TBX1: variants seen among roughly 807,000 people sequenced by gnomAD.
TBX1 encodes the protein T-box transcription factor 1.
TBX1 carries 16 observed loss-of-function variants against 40.8 expected under a neutral mutation model. That is an observed-to-expected ratio of 0.39 (90% CI 0.27 to 0.60). TBX1 has a LOEUF of 0.60. Among genes scored for constraint, TBX1 ranks in the 20% least tolerant of loss-of-function variants. TBX1 has a pLI of 0.51. For missense variants in TBX1, 755 were observed against 728.5 expected (o/e 1.04, Z -0.42); for synonymous variants, 403 against 336.8 (o/e 1.20, Z -2.15).
At chr22:19,761,735 A>G (rs545552151) in intron 1 of TBX1, among the ~76,000 whole-genome samples, 121 of 152,344 alleles carry the variant, frequency 7.9e-4, no homozygotes, top group Non-Finnish European at 1.6e-3. Flanking sequence ...CGGGCAAGAT[A>G]AAGAGCGGCA....
rs113153036 is a variant in TBX1, at chr22:19,766,909, C to T, written c.*42C>T. 1.7e-4 allele frequency: 260 copies of T among 1,573,172 alleles called. No individual in the cohort carries two copies. The highest frequency in any genetic ancestry group is 2.1e-4 in the Non-Finnish European group (244 of 1,168,068). On this transcript the variant is annotated 3_prime_UTR_variant, in exon 7 of 7. Coordinates refer to ENST00000649276, the MANE Select transcript of TBX1 (RefSeq NM_001379200.1). ...CTCCCGCCCCGGTCCTGCACAGCCCCGAAGTTCGCCGGGCCCGGCCACCCT... is the reference window on the plus strand; with the variant it reads ...CTCCCGCCCCGGTCCTGCACAGCCCTGAAGTTCGCCGGGCCCGGCCACCCT...
chr22:19,779,281 A>G, exon 9 of TBX1: 1 of 1,614,244 alleles, frequency 6.2e-7, no homozygotes, highest in African/African-American at 1.3e-5. Flanking sequence ...CACCAGAGAG[A>G]GAAGTGGAGC....
chr22:19,762,153 T>C (rs557282185), intron 1 of TBX1, among the ~76,000 whole-genome samples: 1 of 152,314 alleles, frequency 6.6e-6, no homozygotes, highest in African/African-American at 2.4e-5. Flanking sequence ...AGGCCCTCCT[T>C]GCTGTCCCCA....
Position 19,766,680 on chromosome 22 carries a change from C to G in TBX1, c.1328C>G (p.Ala443Gly). 4 of 1,548,486 alleles carry G rather than the reference C, an allele frequency of 2.6e-6. No individual in the cohort carries two copies. Among genetic ancestry groups the G allele is most frequent in the Non-Finnish European group, 3.5e-6 (4 of 1,155,942 alleles). The change falls in exon 7 of 7, where the codon GCG (alanine) becomes GGG (glycine). Residue 443 changes from alanine (A) to glycine (G), a missense_variant. Ala to Gly is a moderately conservative substitution (Grantham distance 60). Coordinates refer to ENST00000649276, the MANE Select transcript of TBX1 (RefSeq NM_001379200.1). ...DHYLGAKSRP[A>G]PYPLPGLRGH... ...TATCTCGGGGCCAAGAGCCGGCCGG[C>G]GCCCTACCCGCTGCCCGGCCTGCGT... is the stretch of plus-strand genomic sequence containing the variant.
chr22:19,766,979 C>A lies in TBX1; in HGVS notation c.*112C>A. The stretch of plus-strand genomic sequence containing the variant: ...AATACGTTCCCCCAGCCCCAGGGGC[C>A]ACCGCGGCTCTCCCCTTCCCCAGCC... On this transcript the variant is annotated 3_prime_UTR_variant, in exon 7 of 7. Transcript: ENST00000649276. The A allele has an allele frequency of 6.8e-7, 1 of 1,460,682 alleles. No individual in the cohort carries two copies. The highest frequency in any genetic ancestry group is 9.0e-7 in the Non-Finnish European group (1 of 1,109,564). 90.5% of individuals were successfully genotyped at this position (1,460,682 alleles called of 1,614,324 possible). A position where few individuals can be genotyped will look rare whatever the true frequency, so the allele number is the denominator to read the frequency against.
rs920121795 is a variant in TBX1, at chr22:19,767,324, C to G, written c.*457C>G. 9.1e-6 allele frequency: 9 copies of G among 989,734 alleles called. No individual in the cohort carries two copies. The Admixed American group carries it at 2.4e-4, about 27-fold the overall frequency. The allele number at this position is 989,734 out of a possible 1,614,324, so 61.3% of individuals were successfully genotyped here. On this transcript the variant is annotated 3_prime_UTR_variant, in exon 7 of 7. Transcript: ENST00000649276. ...GCGCCGACTTGATAAACGGTTTCGC[C>G]TCTTTTGGAAGCCGCCTGCGTGTCC...
Position 19,761,154 on chromosome 22 carries a change from C to A in TBX1, c.311C>A (p.Ala104Asp). The A allele has an allele frequency of 6.7e-7, 1 of 1,499,794 alleles. No individual in the cohort carries two copies. Among genetic ancestry groups the A allele is most frequent in the Admixed American group, 2.0e-5 (1 of 49,758 alleles). The allele number at this position is 1,499,794 out of a possible 1,614,324, so 92.9% of individuals were successfully genotyped here. A position where few individuals can be genotyped will look rare whatever the true frequency, so the allele number is the denominator to read the frequency against. The change falls in exon 1 of 7, where the codon GCC (alanine) becomes GAC (aspartate). Residue 104 changes from alanine to aspartate, a missense_variant. Coordinates refer to ENST00000649276, the MANE Select transcript of TBX1 (RefSeq NM_001379200.1). ...GAGGGCCCCGGGGCCAGCTGCGCGG[C>A]CGCAGCCAAGGCGCCGGTGAAGAAG... ...EPEGPGASCA[A>D]AAKAPVKKNA... is the part of the protein sequence containing the mutation.
At chr22:19,757,192 C>T (rs1663728346), upstream of TBX1, among the ~76,000 whole-genome samples, 1 of 152,190 alleles carries the variant, frequency 6.6e-6, no homozygotes, top group Admixed American at 6.5e-5. Flanking sequence ...TGGGGCCCCT[C>T]ACCTCTTCCC....
downstream of TBX1, among the ~76,000 whole-genome samples, chr22:19,771,900 C>T (rs986169653): frequency 6.6e-6 from 1 of 152,234 alleles, no homozygotes; most frequent in African/African-American, 2.4e-5. Context: ...TCGGGCAACG[C>T]TGGGTGCCAG....
At chr22:19,760,589 C>T (rs895889422), upstream of TBX1, among the ~76,000 whole-genome samples, 316 of 130,294 alleles carry the variant, frequency 2.4e-3, 2 homozygotes, top group Non-Finnish European at 3.5e-3. Flanking sequence ...GAGCGAGCCG[C>T]GGCGGGCGGG....
intron 8 of TBX1, chr22:19,779,124 A>C: frequency 6.9e-7 from 1 of 1,439,142 alleles, no homozygotes; most frequent in South Asian, 1.2e-5. Flanking sequence ...CATGCGGTTC[A>C]GACACTGGAC....
In TBX1 at chr22:19,765,260, C is replaced by T. The variant is rs191013125; in HGVS notation, c.867+147C>T. The T allele has an allele frequency of 7.2e-4, 905 of 1,252,056 alleles. 2 individuals carry two copies. Among genetic ancestry groups the T allele is most frequent in the Middle Eastern group, 5.0e-3 (19 of 3,810 alleles). 77.6% of individuals were successfully genotyped at this position (1,252,056 alleles called of 1,614,324 possible). A position where few individuals can be genotyped will look rare whatever the true frequency, so the allele number is the denominator to read the frequency against. On this transcript the variant is annotated intron_variant, in intron 4 of 6. Transcript: ENST00000649276. ...CCCAACCCAACTGGAGCCCCACTCC[C>T]AAGGGCCTCAGGCAGCCCCCTCCCT...
At chr22:19,765,390 C>T (rs1472089371) in intron 4 of TBX1, among the ~76,000 whole-genome samples, 1 of 152,196 alleles carries the variant, frequency 6.6e-6, no homozygotes, top group Non-Finnish European at 1.5e-5. Flanking sequence ...AACTCCCCAT[C>T]AGGGGCCTGA....
upstream of TBX1, chr22:19,759,511 G>T (rs943216521): frequency 2.0e-6 from 3 of 1,514,462 alleles, no homozygotes; most frequent in Non-Finnish European, 2.6e-6. Flanking sequence ...CGCGGAGCCC[G>T]CTGTCTCCCC....
Position 19,779,390 on chromosome 22 carries a change from G to GA in TBX1, c.1180_1181insA (p.Gly394GlufsTer2). On this transcript the variant is annotated frameshift_variant, in exon 9 of 9. Coordinates refer to the TBX1 transcript ENST00000329705. LOFTEE classifies it high-confidence loss of function. ...GGGCCTGGTGGCTGGGAGGACCGCAGGTGACCGTCTTTGTTGAATGCTGAG... is the reference window on the plus strand; with the variant it reads ...GGGCCTGGTGGCTGGGAGGACCGCAGAGTGACCGTCTTTGTTGAATGCTGAG... 6.2e-7 allele frequency: 1 copy of GA among 1,614,220 alleles called. No individual in the cohort carries two copies. Among genetic ancestry groups the GA allele is most frequent in the Non-Finnish European group, 8.5e-7 (1 of 1,180,044 alleles).
At chr22:19,767,539 C>T (rs985657421), downstream of TBX1, among the ~76,000 whole-genome samples, 1 of 152,208 alleles carries the variant, frequency 6.6e-6, no homozygotes, top group African/African-American at 2.4e-5. Flanking sequence ...CCCCTCCCCT[C>T]TCCGAGGCCC....
chr22:19,777,101 T>G (rs1055849201), intron 8 of TBX1, among the ~76,000 whole-genome samples: 1 of 152,106 alleles, frequency 6.6e-6, no homozygotes, highest in Non-Finnish European at 1.5e-5. Flanking sequence ...AGGGTACATG[T>G]GCACAACATG....
downstream of TBX1, among the ~76,000 whole-genome samples, chr22:19,772,127 G>A (rs1290703937): frequency 6.6e-6 from 1 of 152,184 alleles, no homozygotes; most frequent in Admixed American, 6.5e-5. Flanking sequence ...TTTTGAGATA[G>A]AGTCTTGCTC....
Position 19,766,416 on chromosome 22 carries a change from A to T in TBX1, c.1064A>T (p.Gln355Leu). The T allele has an allele frequency of 7.4e-7, 1 of 1,344,340 alleles. No homozygotes were observed. 83.3% of individuals were successfully genotyped at this position (1,344,340 alleles called of 1,614,324 possible). A position where few individuals can be genotyped will look rare whatever the true frequency, so the allele number is the denominator to read the frequency against. ...KDAAEARREF[Q>L]RDAGGPAVLG... ...GCGGCTGAGGCCCGGCGAGAATTCCAGCGCGACGCGGGCGGGCCAGCAGTG... is the reference window on the plus strand; with the variant it reads ...GCGGCTGAGGCCCGGCGAGAATTCCTGCGCGACGCGGGCGGGCCAGCAGTG... The change falls in exon 7 of 7, where the codon CAG becomes CTG. Residue 355 changes from glutamine (Q) to leucine (L), a missense_variant. By Grantham distance (113) the Gln-to-Leu change is moderately radical. Around this residue, in one of 3 missense-constraint regions of TBX1, gnomAD observed 412 missense variants for 317.6 expected, o/e 1.30. Transcript: ENST00000649276.
Sources: gnomAD v4.1 joint callset for allele counts (sites outside exome capture counted in the v4.1 genomes callset) on GRCh38, gnomAD v4.1.1 for gene constraint, gnomAD v4.1.1 regional missense constraint, MANE v1.5 for transcripts, NCBI Gene and HGNC (gene_info 2026-07-23, HGNC 2026-07-21) for gene names.